RIMBP2: variants seen among roughly 807,000 people sequenced by gnomAD.
RIMBP2 encodes the protein RIMS binding protein 2, also known as RIMS-binding protein 2.
In RIMBP2, 48 loss-of-function variants were observed where a neutral mutation model predicts 118.6. That is an observed-to-expected ratio of 0.40 (90% CI 0.32 to 0.51). RIMBP2 has a LOEUF of 0.51. RIMBP2 is among the 20% of genes least tolerant of loss of function. The pLI, the probability that RIMBP2 is intolerant of heterozygous loss-of-function variation, is 0.41. For missense variants in RIMBP2, 1,551 were observed against 1,768.3 expected (o/e 0.88, Z 2.20); for synonymous variants, 762 against 742.9 (o/e 1.03, Z -0.42).
intron 1 of RIMBP2, among the ~76,000 whole-genome samples, chr12:130,679,949 T>C (rs1042561315): frequency 4.6e-5 from 7 of 151,402 alleles, no homozygotes; most frequent in Non-Finnish European, 1.0e-4. Flanking sequence ...CCCGTGAGTG[T>C]GATCACGCAG....
intron 17 of RIMBP2, among the ~76,000 whole-genome samples, chr12:130,417,887 G>A (rs951943980): frequency 6.6e-6 from 1 of 152,050 alleles, no homozygotes; most frequent in African/African-American, 2.4e-5. Flanking sequence ...GGAACTGACA[G>A]ATAATATTGG....
At chr12:130,412,011 G>A (rs2075758096) in intron 19 of RIMBP2, among the ~76,000 whole-genome samples, 1 of 151,838 alleles carries the variant, frequency 6.6e-6, no homozygotes, top group South Asian at 2.1e-4. Flanking sequence ...CTTTTTTTGA[G>A]ACTACAGAGG....
In RIMBP2 at chr12:130,446,885, G is replaced by C. The variant is rs1461278079; in HGVS notation, c.582-1616C>G. Among the ~76,000 whole-genome samples, 2 of 152,078 alleles carry C rather than the reference G, an allele frequency of 1.3e-5. No homozygotes were observed. Among genetic ancestry groups the C allele is most frequent in the South Asian group, 4.2e-4 (2 of 4,808 alleles). On this transcript the variant is annotated intron_variant, in intron 9 of 22. Transcript: ENST00000690449. The surrounding 1 kb of genome is among the most constrained non-coding windows in gnomAD (Gnocchi z 4.1). ...GGAGTTTGGTCGGGGAGTGACTTAG[G>C]AGGCTGTGGAAATGCGGGTTGCCTG...
chr12:130,631,428 G>A lies in RIMBP2; in HGVS notation c.-351-2972C>T, dbSNP rs746609276. Among the ~76,000 whole-genome samples the A allele has an allele frequency of 1.2e-3, 175 of 152,150 alleles. 1 individual carries two copies. Among genetic ancestry groups the A allele is most frequent in the Non-Finnish European group, 1.6e-3 (110 of 68,024 alleles). On this transcript the variant is annotated intron_variant, in intron 1 of 22. Coordinates refer to ENST00000690449, the MANE Select transcript of RIMBP2 (RefSeq NM_001393629.1). ...ACCACAGAGCTTCTTAAACTCAGCA[G>A]TGTGACATTTGGGGCCAGGTAATTC... is the stretch of plus-strand genomic sequence containing the variant.
intron 17 of RIMBP2, chr12:130,421,058 G>A (rs1041800616): frequency 3.9e-5 from 6 of 152,188 alleles, no homozygotes; most frequent in Non-Finnish European, 8.8e-5. Context: ...TGAGAGCCTT[G>A]AACAGGGGGA....
chr12:130,582,851 G>A (rs974080150), intron 2 of RIMBP2, among the ~76,000 whole-genome samples: 2 of 152,076 alleles, frequency 1.3e-5, no homozygotes, highest in Non-Finnish European at 1.5e-5. Flanking sequence ...TCATTCCAAC[G>A]CCCTTAACAC....
At position 130,538,059 on chromosome 12, in the gene RIMBP2, T is replaced by C. The variant is rs543931667; in HGVS notation, c.-216-20142A>G. On this transcript the variant is annotated intron_variant, in intron 2 of 22. Coordinates refer to ENST00000690449, the MANE Select transcript of RIMBP2 (RefSeq NM_001393629.1). ...TGCAGGTCAGTAGAACCCCTCAGTGTGGAAAAAACAAATAGGGCCTCATGC... is the reference window on the plus strand; with the variant it reads ...TGCAGGTCAGTAGAACCCCTCAGTGCGGAAAAAACAAATAGGGCCTCATGC... Among the ~76,000 whole-genome samples, 3 of 152,104 alleles carry C rather than the reference T, an allele frequency of 2.0e-5. No homozygotes were observed. The South Asian group carries it at 6.2e-4, about 32-fold the overall frequency.
intron 2 of RIMBP2, among the ~76,000 whole-genome samples, chr12:130,541,251 G>A (rs1336087019): frequency 6.6e-6 from 1 of 152,224 alleles, no homozygotes; most frequent in African/African-American, 2.4e-5. Context: ...GAAACTCTGA[G>A]ATTAGAGATC....
In RIMBP2 at chr12:130,450,572, C is replaced by T. The variant is rs952780519; in HGVS notation, c.505-296G>A. ...CGCCCAGTGTCTCCTACAGCAATCC[C>T]GGGAGTCAGCGGCGTGGCCTTTTCT... On this transcript the variant is annotated intron_variant, in intron 8 of 22. Coordinates refer to ENST00000690449, the MANE Select transcript of RIMBP2 (RefSeq NM_001393629.1). The surrounding 1 kb of genome is among the most constrained non-coding windows in gnomAD (Gnocchi z 4.8). 7.2e-5 allele frequency among the ~76,000 whole-genome samples: 11 copies of T among 151,992 alleles called. No homozygotes were observed. Among genetic ancestry groups the T allele is most frequent in the East Asian group, 1.9e-4 (1 of 5,134 alleles).
rs570301956 is a variant in RIMBP2 at position 130,574,578 on chromosome 12, G to A, written c.-217+53744C>T. ...GATGCATCGCTGAACCTGGTAGGCC[G>A]CAGGCAGCTTCCCCTTTCTGGTCTG... On this transcript the variant is annotated intron_variant, in intron 2 of 22. Transcript: ENST00000690449. Among the ~76,000 whole-genome samples, 13 of 152,242 alleles carry A rather than the reference G, an allele frequency of 8.5e-5. No individual in the cohort carries two copies. The South Asian group carries it at 2.3e-3, about 27-fold the overall frequency.
chr12:130,547,609 C>T (rs1432778973), intron 2 of RIMBP2, among the ~76,000 whole-genome samples: 3 of 152,210 alleles, frequency 2.0e-5, no homozygotes, highest in African/African-American at 4.8e-5. Context: ...GAGATTACAT[C>T]GATCCCTGCT....
chr12:130,671,920 T>A (rs1161758320), intron 1 of RIMBP2, among the ~76,000 whole-genome samples: 2 of 152,224 alleles, frequency 1.3e-5, no homozygotes, highest in African/African-American at 4.8e-5. Flanking sequence ...ATTATTTTCA[T>A]GCCACTTAGA....
At chr12:130,503,666 T>C (rs563184618) in intron 4 of RIMBP2, among the ~76,000 whole-genome samples, 5 of 152,336 alleles carry the variant, frequency 3.3e-5, no homozygotes, top group Admixed American at 6.5e-5. Context: ...AAGAAAACCA[T>C]GTCCAGCACG....
chr12:130,606,408 G>A (rs540475225), intron 2 of RIMBP2, among the ~76,000 whole-genome samples: 1 of 152,260 alleles, frequency 6.6e-6, no homozygotes. Context: ...CAAGCGTGAC[G>A]CGTGGGCAGG....
chr12:130,458,179 C>T (rs544001959), intron 6 of RIMBP2, among the ~76,000 whole-genome samples: 1 of 151,758 alleles, frequency 6.6e-6, no homozygotes, highest in Non-Finnish European at 1.5e-5. Flanking sequence ...CTATTTATGG[C>T]TGAGATCATG....
intron 10 of RIMBP2, among the ~76,000 whole-genome samples, chr12:130,443,705 G>C (rs1376418867): frequency 6.6e-6 from 1 of 152,178 alleles, no homozygotes. Context: ...CCTTTGCACT[G>C]AGGATATGCT....
At chr12:130,661,733 T>C (rs1045395704) in intron 1 of RIMBP2, among the ~76,000 whole-genome samples, 3 of 152,168 alleles carry the variant, frequency 2.0e-5, no homozygotes, top group African/African-American at 7.2e-5. Context: ...GGTTAGAGTT[T>C]TGGTAACTGA....
At position 130,523,830 on chromosome 12, in the gene RIMBP2, T is replaced by C. The variant is rs2052448370; in HGVS notation, c.-216-5913A>G. Among the ~76,000 whole-genome samples the C allele has an allele frequency of 6.6e-6, 1 of 152,006 alleles. No homozygotes were observed. The highest frequency in any genetic ancestry group is 6.5e-5 in the Admixed American group (1 of 15,270). On this transcript the variant is annotated intron_variant, in intron 2 of 22. Transcript: ENST00000690449. This position sits in a 1 kb window ranked among gnomAD's most constrained non-coding sequence, Gnocchi z 4.4. The stretch of plus-strand genomic sequence containing the variant: ...TTGAGATGTCAGGAACGCCAGTTGC[T>C]ATGGGGAGAGGTGAGAGGAATTCTC...
In RIMBP2 at chr12:130,531,987, GTACGTCTAATGA is replaced by G. The variant is rs1466296659; in HGVS notation, c.-216-14082_-216-14071del. 1.8e-3 allele frequency among the ~76,000 whole-genome samples: 162 copies of G among 89,472 alleles called. 1 individual carries two copies. The highest frequency in any genetic ancestry group is 7.1e-3 in the African/African-American group (146 of 20,424). 58.7% of individuals were successfully genotyped at this position (89,472 alleles called of 152,430 possible). A position where few individuals can be genotyped will look rare whatever the true frequency, so the allele number is the denominator to read the frequency against. ...GATGCGTATGTTTAGCCTCTAGGAG[GTACGTCTAATGA>G]GATGCGTATGTTTAGCCTCTAGGAG... On this transcript the variant is annotated intron_variant, in intron 2 of 22. Coordinates refer to ENST00000690449, the MANE Select transcript of RIMBP2 (RefSeq NM_001393629.1).
Sources: gnomAD v4.1 joint callset for allele counts (sites outside exome capture counted in the v4.1 genomes callset) on GRCh38, gnomAD v4.1.1 for gene constraint, Gnocchi (gnomAD v3.1) non-coding constraint, MANE v1.5 for transcripts, NCBI Gene and HGNC (gene_info 2026-07-23, HGNC 2026-07-21) for gene names.